The following ITM2B variants were observed in gnomAD, a reference collection of about 807,000 sequenced individuals.
ITM2B encodes integral membrane protein 2B.
A neutral mutation model predicts 27.8 loss-of-function variants in ITM2B; 11 were observed. The ratio of observed to expected loss-of-function variants is 0.40; its 90% CI spans 0.25 to 0.66. ITM2B has a LOEUF of 0.66. Ranked by LOEUF, ITM2B falls within the 30% of genes least tolerant of loss-of-function variation. ITM2B has a pLI of 0.43. For missense variants in ITM2B, 296 were observed against 328.9 expected, an observed-to-expected ratio of 0.90 and a Z score of 0.77; for synonymous variants, 114 against 114.3, an observed-to-expected ratio of 1.00 and a Z score of 0.02.
At chr13:48,240,483 T>A (rs1383743679) in intron 1 of ITM2B, among the ~76,000 whole-genome samples, 1 of 152,200 alleles carries the variant, frequency 6.6e-6, no homozygotes, top group Admixed American at 6.5e-5. Flanking sequence ...TCTCTCCTCA[T>A]CATTCTTGTT....
intron 1 of ITM2B, among the ~76,000 whole-genome samples, chr13:48,242,385 C>G (rs1181768166): frequency 6.6e-6 from 1 of 151,810 alleles, no homozygotes; most frequent in African/African-American, 2.4e-5. Context: ...AGGTAACTTA[C>G]CAAGTTTCTT....
chr13:48,248,321 A>C (rs1290099380), intron 1 of ITM2B, among the ~76,000 whole-genome samples: 1 of 151,710 alleles, frequency 6.6e-6, no homozygotes, highest in Admixed American at 6.6e-5. Context: ...TTTTTAAAAG[A>C]GATAGGATCT....
intron 1 of ITM2B, 81 bp downstream of exon 1, chr13:48,233,558 C>T: frequency 1.1e-6 from 1 of 924,722 alleles, no homozygotes; most frequent in African/African-American, 1.8e-5. Flanking sequence ...CAGTGCGCCC[C>T]GAGGTGGCGG....
rs1437593380 is a variant in ITM2B, at chr13:48,233,567, G to A, written c.117+90G>A. ...CAGCGGCAGTGCGCCCCGAGGTGGC[G>A]GGCGCGGGGCTCGCGCCGCGGGGAC... On this transcript the variant is annotated intron_variant, in intron 1 of 5. Coordinates refer to ENST00000647800, the MANE Select transcript of ITM2B (RefSeq NM_021999.5). 7.9e-5 allele frequency: 62 copies of A among 788,808 alleles called. 2 individuals are homozygous for A. The South Asian group carries it at 1.2e-3, about 15-fold the overall frequency. 48.9% of individuals were successfully genotyped at this position (788,808 alleles called of 1,614,324 possible).
intron 1 of ITM2B, among the ~76,000 whole-genome samples, chr13:48,252,635 G>A (rs1177586829): frequency 1.3e-5 from 2 of 152,214 alleles, no homozygotes; most frequent in Non-Finnish European, 2.9e-5. Context: ...GTGTAGTGCT[G>A]TTCCAATGAC....
intron 1 of ITM2B, among the ~76,000 whole-genome samples, chr13:48,252,002 C>G (rs776389025): frequency 2.6e-5 from 4 of 152,190 alleles, no homozygotes; most frequent in Non-Finnish European, 2.9e-5. Context: ...TTCTTCCTTG[C>G]AATACGCTCA....
In ITM2B at chr13:48,258,923, C is replaced by T. The variant is rs889966863; in HGVS notation, c.691C>T (p.Leu231=). The T allele has an allele frequency of 6.2e-7, 1 of 1,613,224 alleles. No individual in the cohort carries two copies. The highest frequency in any genetic ancestry group is 1.3e-5 in the African/African-American group (1 of 74,896). The change falls in exon 5 of 6, where the codon CTG becomes TTG. Residue 231 remains leucine (L), a synonymous_variant. Transcript: ENST00000647800. ...RLCHDKETYK[L]QRRETIKGIQ... is the part of the protein sequence containing the mutation. ...GTGTCATGACAAGGAAACTTACAAA[C>T]TGCAACGCAGAGAAACTATTAAAGG...
intron 1 of ITM2B, 110 bp downstream of exon 1, chr13:48,233,587 G>C: frequency 3.3e-6 from 2 of 602,390 alleles, no homozygotes; most frequent in South Asian, 5.1e-5. Context: ...CTCGCGCCGC[G>C]GGGACAAGTC....
chr13:48,242,302 A>G (rs950137508), intron 1 of ITM2B, among the ~76,000 whole-genome samples: 1 of 152,098 alleles, frequency 6.6e-6, no homozygotes, highest in African/African-American at 2.4e-5. Flanking sequence ...TTAATTTTCT[A>G]CATACTTACT....
rs977404243 is a variant in ITM2B at position 48,247,581 on chromosome 13, C to T, written c.118-6227C>T. On this transcript the variant is annotated intron_variant, in intron 1 of 5. Coordinates refer to ENST00000647800, the MANE Select transcript of ITM2B (RefSeq NM_021999.5). ...GTTTGAGAACAGAATTGAAATTATA[C>T]GAAAAAATATACATTTTATTTAAGT... Among the ~76,000 whole-genome samples the T allele has an allele frequency of 6.6e-5, 10 of 152,034 alleles. No homozygotes were observed. In the East Asian group the frequency reaches 1.2e-3, roughly 18 times the overall value.
rs973176240 is a variant in ITM2B, at chr13:48,258,684, G to A, written c.565-113G>A. 2.4e-5 allele frequency: 22 copies of A among 928,302 alleles called. No individual in the cohort carries two copies. In the Admixed American group the frequency reaches 3.2e-4, roughly 13 times the overall value. 57.5% of individuals were successfully genotyped at this position (928,302 alleles called of 1,614,324 possible). A position where few individuals can be genotyped will look rare whatever the true frequency, so the allele number is the denominator to read the frequency against. On this transcript the variant is annotated intron_variant, in intron 4 of 5. Coordinates refer to ENST00000647800, the MANE Select transcript of ITM2B (RefSeq NM_021999.5). ...AACATAAACAAACAGATGGTGGGTA[G>A]TAGTTTGGCAACCTGTTCCATACCA... is the stretch of plus-strand genomic sequence containing the variant.
In ITM2B at chr13:48,264,944, A is replaced by C. The variant is rs550756175; in HGVS notation, c.*3720A>C. 1.3e-5 allele frequency: 2 copies of C among 152,202 alleles called. No individual in the cohort carries two copies. Among genetic ancestry groups the C allele is most frequent in the South Asian group, 4.1e-4 (2 of 4,822 alleles). 9.4% of individuals were successfully genotyped at this position (152,202 alleles called of 1,614,324 possible). ...CATAAATTATTTCCTGATAGCACAC[A>C]TGTATGGGTTGTAGATTCCACACTT... On this transcript the variant is annotated 3_prime_UTR_variant, in exon 6 of 6. Coordinates refer to ENST00000647800, the MANE Select transcript of ITM2B (RefSeq NM_021999.5).
chr13:48,239,146 A>G (rs2137979175), intron 1 of ITM2B, among the ~76,000 whole-genome samples: 1 of 152,340 alleles, frequency 6.6e-6, no homozygotes, highest in Non-Finnish European at 1.5e-5. Flanking sequence ...ATCAGTTTTC[A>G]GTTTTTCATT....
At position 48,258,106 on chromosome 13, in the gene ITM2B, CTG is replaced by C. The variant is rs1437836431; in HGVS notation, c.454-18_454-17del. The C allele has an allele frequency of 4.3e-6, 5 of 1,164,682 alleles. No homozygotes were observed. The highest frequency in any genetic ancestry group is 6.5e-6 in the Non-Finnish European group (5 of 770,024). 72.1% of individuals were successfully genotyped at this position (1,164,682 alleles called of 1,614,324 possible). On this transcript the variant is annotated intron_variant, in intron 3 of 5. Coordinates refer to ENST00000647800, the MANE Select transcript of ITM2B (RefSeq NM_021999.5). ...TTTTGCAAGTATTACTGTAACTACACTGTATCTTTTTCTTCCCAGAAACTTAC... is the reference window on the plus strand; with the variant it reads ...TTTTGCAAGTATTACTGTAACTACACTATCTTTTTCTTCCCAGAAACTTAC...
In ITM2B at chr13:48,265,297, C is replaced by A. The variant is rs1382346647; in HGVS notation, c.*4073C>A. The A allele has an allele frequency of 1.3e-5, 2 of 152,124 alleles. No individual in the cohort carries two copies. Among genetic ancestry groups the A allele is most frequent in the Non-Finnish European group, 2.9e-5 (2 of 68,030 alleles). The allele number at this position is 152,124 out of a possible 1,614,324, so 9.4% of individuals were successfully genotyped here. ...TGACACAAAATGACCTAGTTCTTGC[C>A]CTAGTGACTAAGCAGATGCAAACGC... On this transcript the variant is annotated 3_prime_UTR_variant, in exon 6 of 6. Coordinates refer to ENST00000647800, the MANE Select transcript of ITM2B (RefSeq NM_021999.5).
rs1036457663 is a variant in ITM2B, at chr13:48,263,837, C to T, written c.*2613C>T. The stretch of plus-strand genomic sequence containing the variant: ...TCCACTCTCATGACCTAACACCTCT[C>T]AAAGGCCCCATTTCCTAATACTGTC... On this transcript the variant is annotated 3_prime_UTR_variant, in exon 6 of 6. Transcript: ENST00000647800. The T allele has an allele frequency of 2.6e-4, 40 of 152,112 alleles. No individual in the cohort carries two copies. The highest frequency in any genetic ancestry group is 2.5e-3 in the Admixed American group (38 of 15,252). 9.4% of individuals were successfully genotyped at this position (152,112 alleles called of 1,614,324 possible). A position where few individuals can be genotyped will look rare whatever the true frequency, so the allele number is the denominator to read the frequency against.
At chr13:48,239,362 C>T (rs1340356922) in intron 1 of ITM2B, among the ~76,000 whole-genome samples, 1 of 152,144 alleles carries the variant, frequency 6.6e-6, no homozygotes, top group Non-Finnish European at 1.5e-5. Flanking sequence ...TCCTGCCAGG[C>T]GCAAGCCACC....
intron 1 of ITM2B, among the ~76,000 whole-genome samples, chr13:48,243,538 C>G (rs1593390123): frequency 6.6e-6 from 1 of 152,102 alleles, no homozygotes; most frequent in East Asian, 1.9e-4. Flanking sequence ...AGTAGAAATT[C>G]ATGCTGTGGG....
At chr13:48,239,488 C>G (rs1313955568) in intron 1 of ITM2B, among the ~76,000 whole-genome samples, 1 of 152,172 alleles carries the variant, frequency 6.6e-6, no homozygotes, top group Non-Finnish European at 1.5e-5. Context: ...AAAAATTAGC[C>G]AGGCGTGGTG....
Sources: allele counts gnomAD v4.1 joint callset (sites outside exome capture counted in the v4.1 genomes callset), GRCh38; gene constraint gnomAD v4.1.1; transcripts MANE v1.5; gene names NCBI Gene and HGNC (gene_info 2026-07-23, HGNC 2026-07-21).